The following WLS variants were observed in gnomAD, a reference collection of about 807,000 sequenced individuals.
The protein encoded by WLS is Wnt ligand secretion mediator, also known as protein wntless homolog.
Under a neutral mutation model 62.8 loss-of-function variants are expected in WLS, and 23 were observed. That is an observed-to-expected ratio of 0.37 (90% confidence interval 0.26 to 0.52). The LOEUF is 0.52. Among genes scored for constraint, WLS ranks in the 20% least tolerant of loss-of-function variants. The pLI is 0.92. For missense variants in WLS, 615 were observed against 697.3 expected, an observed-to-expected ratio of 0.88 and a Z score of 1.33; for synonymous variants, 246 against 244.1, an observed-to-expected ratio of 1.01 and a Z score of -0.07.
rs559404751 is a variant in WLS at position 68,228,832 on chromosome 1, A to G, written c.106+3362T>C. On this transcript the variant is annotated intron_variant, in intron 1 of 11. Transcript: ENST00000262348. ...ATCCCATTAAAGGTTTAGCTTACAG[A>G]CACTGGTGCCAAAAAAAAAAAAAAA... Among the ~76,000 whole-genome samples the G allele has an allele frequency of 2.3e-4, 30 of 127,820 alleles. No individual in the cohort carries two copies. In the South Asian group the frequency reaches 8.5e-3, roughly 36 times the overall value. The allele number at this position is 127,820 out of a possible 152,430, so 83.9% of individuals were successfully genotyped here.
intron 1 of WLS, among the ~76,000 whole-genome samples, chr1:68,215,617 A>C (rs1649695007): frequency 6.6e-6 from 1 of 152,212 alleles, no homozygotes; most frequent in Admixed American, 6.5e-5. Flanking sequence ...TGTACATAAG[A>C]ATTTAAATAC....
At chr1:68,186,499 G>GT (rs1647947014) in intron 2 of WLS, 1 of 382,712 alleles carries the variant, frequency 2.6e-6, no homozygotes. Context: ...GCCACGAAAA[G>GT]TTAAAAAAAA....
intron 11 of WLS, among the ~76,000 whole-genome samples, chr1:68,128,409 C>A (rs1193416521): frequency 6.6e-6 from 1 of 152,234 alleles, no homozygotes; most frequent in Non-Finnish European, 1.5e-5. Flanking sequence ...GCCATCAGAA[C>A]TTCAAAGCCA....
chr1:68,130,698 T>A (rs2100396261), intron 11 of WLS, among the ~76,000 whole-genome samples: 1 of 152,294 alleles, frequency 6.6e-6, no homozygotes, highest in Non-Finnish European at 1.5e-5. Flanking sequence ...TTGGTGTTAA[T>A]ATGATTGTTA....
intron 6 of WLS, 32 bp downstream of exon 6, chr1:68,150,156 T>C (rs746150463): frequency 9.9e-6 from 16 of 1,608,614 alleles, no homozygotes; most frequent in Non-Finnish European, 1.3e-5. Context: ...GAGCAGCTGG[T>C]ACAGACGTCT....
chr1:68,114,694 G>A (rs1051299714), intron 11 of WLS, among the ~76,000 whole-genome samples: 4 of 152,158 alleles, frequency 2.6e-5, no homozygotes, highest in Admixed American at 6.5e-5. Context: ...TTTATCCCTC[G>A]AGCCAGCCCC....
chr1:68,160,172 G>C lies in WLS; in HGVS notation c.380-925C>G, dbSNP rs111820125. On this transcript the variant is annotated intron_variant, in intron 2 of 11. Coordinates refer to ENST00000262348, the MANE Select transcript of WLS (RefSeq NM_024911.7). ...GTTCTTAACTCATGGGACTATTTTG[G>C]AACACTTCTTTGTAAATATCATTTT... Among the ~76,000 whole-genome samples, 50 of 147,612 alleles carry C rather than the reference G, an allele frequency of 3.4e-4. 1 individual carries two copies. The highest frequency in any genetic ancestry group is 1.2e-3 in the African/African-American group (50 of 40,172).
rs187825885 is a variant in WLS, at chr1:68,098,722, A to G, written c.1542T>C (p.Asp514=). The change falls in exon 12 of 12, where the codon GAT becomes GAC. Residue 514 remains aspartate, a synonymous_variant. Transcript: ENST00000354777. ...AAAGTTCCGAAACAAACAAAGCACA[A>G]TCTTCCCTCGATTTACATGGGAGTT... 4.5e-5 allele frequency: 72 copies of G among 1,613,870 alleles called. No individual in the cohort carries two copies. In the East Asian group the frequency reaches 9.8e-4, roughly 22 times the overall value.
intron 11 of WLS, among the ~76,000 whole-genome samples, chr1:68,116,928 G>A (rs1646300275): frequency 1.3e-5 from 2 of 152,190 alleles, no homozygotes; most frequent in Admixed American, 1.3e-4. Context: ...TCCTGAGCCA[G>A]TTAGGGAAAT....
At chr1:68,216,858 T>C (rs918401129) in intron 1 of WLS, among the ~76,000 whole-genome samples, 2 of 152,250 alleles carry the variant, frequency 1.3e-5, no homozygotes, top group African/African-American at 4.8e-5. Context: ...ACAGGGGTCC[T>C]ATTAGCAATA....
At chr1:68,191,556 AC>A (rs1333871343) in intron 2 of WLS, among the ~76,000 whole-genome samples, 3 of 151,854 alleles carry the variant, frequency 2.0e-5, no homozygotes, top group Non-Finnish European at 4.4e-5. Context: ...TTTTCCAGGC[AC>A]CCTCTTCCCT....
intron 11 of WLS, among the ~76,000 whole-genome samples, chr1:68,104,435 G>A (rs1275255597): frequency 1.3e-5 from 2 of 152,146 alleles, no homozygotes; most frequent in Non-Finnish European, 2.9e-5. Flanking sequence ...GCATCCCACT[G>A]CTGACTCATG....
chr1:68,231,070 G>A (rs1259624149), intron 1 of WLS, among the ~76,000 whole-genome samples: 1 of 152,224 alleles, frequency 6.6e-6, no homozygotes, highest in Non-Finnish European at 1.5e-5. Context: ...CGAACCTCCC[G>A]TCCGCGCCCG....
At chr1:68,197,430 G>T (rs968107342) in intron 1 of WLS, among the ~76,000 whole-genome samples, 4 of 152,106 alleles carry the variant, frequency 2.6e-5, no homozygotes, top group Non-Finnish European at 5.9e-5. Context: ...TTTTTCACTT[G>T]AATAAATTAG....
At chr1:68,129,843 GAT>G (rs1462244429) in intron 11 of WLS, among the ~76,000 whole-genome samples, 1 of 152,128 alleles carries the variant, frequency 6.6e-6, no homozygotes, top group Non-Finnish European at 1.5e-5. Context: ...CTGAAAATGT[GAT>G]ATGTGTCTTG....
rs537556551 is a variant in WLS, at chr1:68,113,397, T to G, written c.1511-14644A>C. Among the ~76,000 whole-genome samples the G allele has an allele frequency of 2.6e-5, 4 of 152,340 alleles. No individual in the cohort carries two copies. In the South Asian group the frequency reaches 8.3e-4, roughly 32 times the overall value. On this transcript the variant is annotated intron_variant, in intron 11 of 11. Transcript: ENST00000354777. The stretch of plus-strand genomic sequence containing the variant: ...TCTTTGCTGAATGACCCTAGTAATC[T>G]ACTCATTCCCCAGGTAATTACTGAG...
intron 1 of WLS, among the ~76,000 whole-genome samples, chr1:68,201,629 G>A (rs1326649601): frequency 2.6e-5 from 4 of 152,176 alleles, no homozygotes; most frequent in East Asian, 1.9e-4. Flanking sequence ...AATGGGGTAC[G>A]CTAAGTGAAA....
intron 11 of WLS, among the ~76,000 whole-genome samples, chr1:68,118,417 G>C (rs1646321164): frequency 6.6e-6 from 1 of 152,120 alleles, no homozygotes; most frequent in African/African-American, 2.4e-5. Flanking sequence ...AGTTCTGGAG[G>C]GCTCTGTATG....
intron 11 of WLS, 76 bp downstream of exon 11, chr1:68,137,704 T>C: frequency 1.3e-6 from 2 of 1,510,278 alleles, no homozygotes; most frequent in Non-Finnish European, 1.8e-6. Flanking sequence ...ATCTCAGAGC[T>C]TTAGCCATTT....
Sources: allele counts gnomAD v4.1 joint callset (sites outside exome capture counted in the v4.1 genomes callset), GRCh38; gene constraint gnomAD v4.1.1; transcripts MANE v1.5; gene names NCBI Gene and HGNC (gene_info 2026-07-23, HGNC 2026-07-21).